Variants in RBMS3 observed in about 807,000 individuals in gnomAD.
RBMS3 encodes RNA binding motif single stranded interacting protein 3.
In RBMS3, 27 loss-of-function variants were observed where a neutral mutation model predicts 66.8. The ratio of observed to expected loss-of-function variants is 0.40; its 90% confidence interval spans 0.30 to 0.56. RBMS3 has a LOEUF of 0.56. Ranked by LOEUF, RBMS3 falls within the 20% of genes least tolerant of loss-of-function variation. The pLI is 0.40. For missense variants in RBMS3, 513 were observed against 549.5 expected, an observed-to-expected ratio of 0.93 and a Z score of 0.66; for synonymous variants, 188 against 183.0, an observed-to-expected ratio of 1.03 and a Z score of -0.22.
Position 29,745,419 on chromosome 3 carries a change from C to T in RBMS3, c.557+5542C>T, listed in dbSNP as rs532269034. On this transcript the variant is annotated intron_variant, in intron 5 of 14. Coordinates refer to ENST00000383767, the MANE Select transcript of RBMS3 (RefSeq NM_001003793.3). ...GAATGCCAACAGAGTACCTTGCCTG[C>T]GAGGGTAAGGATCAGAGCGTAAATC... Among the ~76,000 whole-genome samples, 118 of 152,162 alleles carry T rather than the reference C, an allele frequency of 7.8e-4. 5 individuals are homozygous for T. In the South Asian group the frequency reaches 0.024, roughly 30 times the overall value.
chr3:29,446,754 G>C (rs1362039006), intron 2 of RBMS3, among the ~76,000 whole-genome samples: 1 of 152,036 alleles, frequency 6.6e-6, no homozygotes, highest in Non-Finnish European at 1.5e-5. Context: ...GTCAACATGT[G>C]TCTATCAGTG....
In RBMS3 at chr3:29,488,437, T is replaced by C. The variant is rs777974866; in HGVS notation, c.249-4T>C. On this transcript the variant is annotated splice_polypyrimidine_tract_variant and splice_region_variant and intron_variant, in intron 2 of 14. Transcript: ENST00000383767. Reference sequence around the variant, plus strand: ...ATGGGTTTTTTTCTCTCTCTCTCTTTCAGGTATGGAAAAATTGTATCTACA... The same window carrying C: ...ATGGGTTTTTTTCTCTCTCTCTCTTCCAGGTATGGAAAAATTGTATCTACA... 1 of 1,602,128 alleles carries C rather than the reference T, an allele frequency of 6.2e-7. No individual in the cohort carries two copies. The highest frequency in any genetic ancestry group is 2.2e-5 in the East Asian group (1 of 44,790).
chr3:29,875,086 A>G (rs1163094814), intron 7 of RBMS3, among the ~76,000 whole-genome samples: 1 of 152,160 alleles, frequency 6.6e-6, no homozygotes, highest in East Asian at 1.9e-4. Context: ...ATATCCATGT[A>G]CCATGATTGG....
Position 29,753,067 on chromosome 3 carries a change from A to C in RBMS3, c.558-9843A>C, listed in dbSNP as rs553346226. Among the ~76,000 whole-genome samples, 4 of 152,328 alleles carry C rather than the reference A, an allele frequency of 2.6e-5. No individual in the cohort carries two copies. The South Asian group carries it at 8.3e-4, about 32-fold the overall frequency. ...AAAGAGTTTCAAAATAGCCACCTAA[A>C]TGCCAGAAAGTCATATTTTGGAGAC... On this transcript the variant is annotated intron_variant, in intron 5 of 14. Coordinates refer to ENST00000383767, the MANE Select transcript of RBMS3 (RefSeq NM_001003793.3).
chr3:29,929,815 A>G (rs2061059975), intron 10 of RBMS3, among the ~76,000 whole-genome samples: 1 of 152,090 alleles, frequency 6.6e-6, no homozygotes, highest in African/African-American at 2.4e-5. Flanking sequence ...ATATATCTCC[A>G]TATAGTAGTC....
intron 7 of RBMS3, among the ~76,000 whole-genome samples, chr3:29,879,646 G>A (rs2059690545): frequency 6.6e-6 from 1 of 151,810 alleles, no homozygotes; most frequent in African/African-American, 2.4e-5. Context: ...TATGTATCAG[G>A]CCAGACCTCA....
intron 1 of RBMS3, among the ~76,000 whole-genome samples, chr3:29,380,478 G>A (rs1226189201): frequency 6.6e-6 from 1 of 152,104 alleles, no homozygotes; most frequent in Non-Finnish European, 1.5e-5. Flanking sequence ...CTTATAATGT[G>A]CTTGGTATTG....
chr3:29,812,067 G>T (rs1317763013), intron 6 of RBMS3, among the ~76,000 whole-genome samples: 1 of 152,078 alleles, frequency 6.6e-6, no homozygotes, highest in East Asian at 1.9e-4. Flanking sequence ...GTTAAAGTGG[G>T]ACTTCTTAAA....
chr3:29,523,978 C>A (rs750250502), intron 3 of RBMS3, among the ~76,000 whole-genome samples: 3 of 152,104 alleles, frequency 2.0e-5, no homozygotes, highest in Non-Finnish European at 4.4e-5. Context: ...CACAAGCAAT[C>A]CTTCTAGCTC....
At chr3:29,333,386 A>G (rs1434728388) in intron 1 of RBMS3, among the ~76,000 whole-genome samples, 1 of 152,174 alleles carries the variant, frequency 6.6e-6, no homozygotes, top group Non-Finnish European at 1.5e-5. Context: ...ATCAGCACGT[A>G]TAACATTCAG....
intron 1 of RBMS3, among the ~76,000 whole-genome samples, chr3:29,398,190 A>C (rs1036800579): frequency 3.9e-5 from 6 of 152,184 alleles, no homozygotes; most frequent in African/African-American, 1.4e-4. Flanking sequence ...ATGAATTCAG[A>C]GGACACTTGA....
chr3:29,438,021 T>G (rs1465187941), intron 2 of RBMS3, among the ~76,000 whole-genome samples: 1 of 131,590 alleles, frequency 7.6e-6, no homozygotes, highest in Non-Finnish European at 1.6e-5. Flanking sequence ...TGTAAAACCT[T>G]GCTTGTTTCT....
chr3:29,463,999 C>T (rs1347182879), intron 2 of RBMS3, among the ~76,000 whole-genome samples: 4 of 151,988 alleles, frequency 2.6e-5, no homozygotes, highest in Non-Finnish European at 5.9e-5. Flanking sequence ...TTTAGTGAAA[C>T]GTGGACCAAT....
intron 1 of RBMS3, among the ~76,000 whole-genome samples, chr3:29,388,995 G>A (rs890095256): frequency 8.5e-5 from 13 of 152,120 alleles, no homozygotes; most frequent in African/African-American, 3.1e-4. Context: ...GAATTTGAGA[G>A]GAATCATCTC....
intron 3 of RBMS3, among the ~76,000 whole-genome samples, chr3:29,507,497 G>GA (rs11309816): frequency 4.0e-5 from 6 of 150,636 alleles, no homozygotes; most frequent in South Asian, 2.1e-4. Context: ...TATTAATTGC[G>GA]AAAAAAAAAG....
At chr3:29,691,952 T>A (rs1449329571) in intron 4 of RBMS3, among the ~76,000 whole-genome samples, 1 of 128,654 alleles carries the variant, frequency 7.8e-6, no homozygotes, top group Non-Finnish European at 1.7e-5. Flanking sequence ...TCTCTCTATT[T>A]TTTTTTTTTT....
In RBMS3 at chr3:29,891,512, A is replaced by C. The variant is rs17024566; in HGVS notation, c.792-5867A>C. On this transcript the variant is annotated intron_variant, in intron 8 of 14. Transcript: ENST00000383767. Reference sequence around the variant, plus strand: ...GGTAAAACTCTAATTTGTTTTTACTATTGCCCTATTGCTCTTTTAGCAATC... The same window carrying C: ...GGTAAAACTCTAATTTGTTTTTACTCTTGCCCTATTGCTCTTTTAGCAATC... Among the ~76,000 whole-genome samples the C allele has an allele frequency of 9.7e-3, 1,472 of 151,662 alleles. 32 individuals carry two copies. Among genetic ancestry groups the C allele is most frequent in the African/African-American group, 0.034 (1,404 of 41,456 alleles).
At chr3:29,479,343 A>G (rs898850465) in intron 2 of RBMS3, among the ~76,000 whole-genome samples, 1 of 150,724 alleles carries the variant, frequency 6.6e-6, no homozygotes, top group Non-Finnish European at 1.5e-5. Context: ...TATACATGTA[A>G]TCCAATCATT....
chr3:29,686,545 T>G (rs2051741654), intron 4 of RBMS3, among the ~76,000 whole-genome samples: 1 of 152,050 alleles, frequency 6.6e-6, no homozygotes, highest in African/African-American at 2.4e-5. Flanking sequence ...AAAAGCCAGA[T>G]GTGATTGCAT....
Sources: allele counts gnomAD v4.1 joint callset (sites outside exome capture counted in the v4.1 genomes callset), GRCh38; gene constraint gnomAD v4.1.1; transcripts MANE v1.5; gene names NCBI Gene and HGNC (gene_info 2026-07-23, HGNC 2026-07-21).